Variants in BTN3A3 observed in about 807,000 individuals in gnomAD.
BTN3A3 encodes the protein butyrophilin subfamily 3 member A3.
In BTN3A3, 39 loss-of-function variants were observed where a neutral mutation model predicts 43.2. The observed-to-expected ratio is 0.90, with a 90% CI of 0.70 to 1.18. The LOEUF (loss-of-function observed/expected upper bound fraction) is 1.18. Ranked by LOEUF, BTN3A3 falls within the 50% of genes most tolerant of loss-of-function variation. BTN3A3 has a pLI of 0.00. For synonymous variants in BTN3A3, 255 were observed against 272.7 expected (o/e 0.93, Z 0.64); for missense variants, 631 against 722.8 (o/e 0.87, Z 1.46).
At position 26,445,828 on chromosome 6, in the gene BTN3A3, C is replaced by T. The variant is rs1291383929; in HGVS notation, c.558C>T (p.Asn186=). 5.6e-6 allele frequency: 9 copies of T among 1,614,110 alleles called. No individual in the cohort carries two copies. The African/African-American group carries it at 6.7e-5, about 12-fold the overall frequency. Residue 186 remains asparagine (N), a synonymous_variant, in exon 5 of 11, where the codon AAC becomes AAT. Coordinates refer to ENST00000244519, the MANE Select transcript of BTN3A3 (RefSeq NM_006994.5). Reference sequence around the variant, plus strand: ...AGTGGAGCGACACCAAGGGAGAGAACATCCCGGCTGTGGAAGCACCTGTGG... The same window carrying T: ...AGTGGAGCGACACCAAGGGAGAGAATATCCCGGCTGTGGAAGCACCTGTGG... The part of the protein sequence containing the change: ...QIKWSDTKGE[N]IPAVEAPVVA...
intron 1 of BTN3A3, among the ~76,000 whole-genome samples, chr6:26,441,005 A>T (rs758931086): frequency 5.9e-5 from 9 of 152,228 alleles, no homozygotes; most frequent in Non-Finnish European, 1.3e-4. Flanking sequence ...AAGTCGCTAA[A>T]ATCTGTTTTG....
intron 4 of BTN3A3, chr6:26,444,620 G>A: frequency 2.0e-6 from 1 of 507,342 alleles, no homozygotes; most frequent in Non-Finnish European, 3.5e-6. Context: ...TTTTGGTTTA[G>A]TCATGTAACA....
At position 26,451,844 on chromosome 6, in the gene BTN3A3, C is replaced by A; in HGVS notation, c.1188C>A (p.Tyr396Ter). 1 of 1,614,112 alleles carries A rather than the reference C, an allele frequency of 6.2e-7. No homozygotes were observed. The highest frequency in any genetic ancestry group is 8.5e-7 in the Non-Finnish European group (1 of 1,180,018). ...AAAACTTCACATCAGGGAGACATTA[C>A]TGGGAGGTGGAAGTGGGGGACAGAA... Reference protein sequence around the residue: ...GCENFTSGRHYWEVEVGDRKE... With the variant: ...GCENFTSGRH Residue 396 changes from tyrosine (Y) to a stop codon, truncating the protein, a stop_gained, in exon 11 of 11, where the codon TAC becomes TAA. Coordinates refer to ENST00000244519, the MANE Select transcript of BTN3A3 (RefSeq NM_006994.5). LOFTEE classifies it low-confidence loss of function (END_TRUNC).
chr6:26,449,895 C>A (rs1762882429), intron 9 of BTN3A3, among the ~76,000 whole-genome samples: 1 of 152,126 alleles, frequency 6.6e-6, no homozygotes, highest in Non-Finnish European at 1.5e-5. Flanking sequence ...AAAGCATAAC[C>A]ATGCAGCCTG....
chr6:26,443,559 T>C lies in BTN3A3; in HGVS notation c.-5-11T>C, dbSNP rs1226201001. The C allele has an allele frequency of 6.2e-7, 1 of 1,613,700 alleles. No homozygotes were observed. Among genetic ancestry groups the C allele is most frequent in the Non-Finnish European group, 8.5e-7 (1 of 1,179,742 alleles). ...TCTGTCCCACACCTTCTGGTATCTC[T>C]TGATATGCAGCATAGATGAAAATGG... On this transcript the variant is annotated splice_polypyrimidine_tract_variant and intron_variant, in intron 2 of 10. Coordinates refer to ENST00000244519, the MANE Select transcript of BTN3A3 (RefSeq NM_006994.5).
intron 9 of BTN3A3, 139 bp from the exon 10 acceptor site, chr6:26,449,968 C>A: frequency 9.5e-7 from 1 of 1,058,080 alleles, no homozygotes; most frequent in Middle Eastern, 3.1e-4. Flanking sequence ...TCTGATCTAT[C>A]AGAGCTGTAG....
chr6:26,450,020 A>G (rs1762886422), intron 9 of BTN3A3, 87 bp from the exon 10 acceptor site: 20 of 1,428,642 alleles, frequency 1.4e-5, no homozygotes, highest in Non-Finnish European at 2.0e-5. Flanking sequence ...GAAGAAAAGG[A>G]GAGAAAACGT....
intron 9 of BTN3A3, among the ~76,000 whole-genome samples, 153 bp from the exon 10 acceptor site, chr6:26,449,954 C>A (rs1762884923): frequency 6.6e-6 from 1 of 152,160 alleles, no homozygotes; most frequent in African/African-American, 2.4e-5. Flanking sequence ...TAGAAGGTGC[C>A]ACCTCTGATC....
At chr6:26,447,827 T>C (rs1762820944) in intron 5 of BTN3A3, among the ~76,000 whole-genome samples, 1 of 152,202 alleles carries the variant, frequency 6.6e-6, no homozygotes, top group South Asian at 2.1e-4. Context: ...CCTTGCCCTC[T>C]GACTCCACAG....
rs753608542 is a variant in BTN3A3, at chr6:26,448,609, T to C, written c.917-8T>C. On this transcript the variant is annotated splice_polypyrimidine_tract_variant and splice_region_variant and intron_variant, in intron 6 of 10. Transcript: ENST00000244519. ...TTTTTTTCTTTTCTTTTTTTGCTTA[T>C]TTTCCAGAGAAGCTCCAGGAGGAAC... 1 of 1,613,858 alleles carries C rather than the reference T, an allele frequency of 6.2e-7. No homozygotes were observed. The highest frequency in any genetic ancestry group is 1.3e-5 in the African/African-American group (1 of 74,840).
chr6:26,450,962 C>T (rs907332052), intron 10 of BTN3A3, among the ~76,000 whole-genome samples: 1 of 152,184 alleles, frequency 6.6e-6, no homozygotes, highest in African/African-American at 2.4e-5. Flanking sequence ...TCTATCAGGG[C>T]CTCCCATTGG....
intron 4 of BTN3A3, chr6:26,445,007 T>G: frequency 6.2e-6 from 1 of 160,966 alleles, no homozygotes. Flanking sequence ...ACTAAAGCTG[T>G]AAATGATGAA....
At chr6:26,449,539 T>C (rs556342340) in intron 8 of BTN3A3, 123 bp from the exon 9 acceptor site, 20 of 1,009,358 alleles carry the variant, frequency 2.0e-5, no homozygotes, top group Non-Finnish European at 2.9e-5. Flanking sequence ...GCTTGCAGAG[T>C]GAGACCACAG....
rs1225049968 is a variant in BTN3A3, at chr6:26,450,121, CT to C, written c.1007del (p.Leu336ProfsTer7). The C allele has an allele frequency of 1.9e-6, 3 of 1,613,572 alleles. No homozygotes were observed. The highest frequency in any genetic ancestry group is 1.3e-5 in the African/African-American group (1 of 74,906). On this transcript the variant is annotated frameshift_variant, in exon 10 of 11. Transcript: ENST00000244519. LOFTEE classifies it low-confidence loss of function (END_TRUNC). ...CTTCCTTTCAGAATGGAAAATGGCC[CT>C]CTTCAAACCTGGTGAGTAAATCACT... ...SLAYHEWKMA[L>X]FKPADVILDP... is the part of the protein sequence containing the mutation.
chr6:26,450,302 C>G (rs1158933716), intron 10 of BTN3A3, 169 bp downstream of exon 10: 7 of 748,802 alleles, frequency 9.3e-6, no homozygotes, highest in African/African-American at 1.8e-5. Flanking sequence ...CAAGACCCTT[C>G]CCGCTGAGAG....
intron 8 of BTN3A3, 134 bp from the exon 9 acceptor site, chr6:26,449,528 A>G: frequency 1.1e-6 from 1 of 887,128 alleles, no homozygotes; most frequent in Non-Finnish European, 1.8e-6. Context: ...GAGAGAATTG[A>G]GCTTGCAGAG....
rs564730444 is a variant in BTN3A3 at position 26,443,664 on chromosome 6, G to A, written c.85+5G>A. ...AGCTGCTCACTCCTTGCTCAGGTAGGGAATGATTCCATGATTCCACATTTA... is the reference window on the plus strand; with the variant it reads ...AGCTGCTCACTCCTTGCTCAGGTAGAGAATGATTCCATGATTCCACATTTA... On this transcript the variant is annotated splice_donor_5th_base_variant and intron_variant, in intron 3 of 10. Coordinates refer to ENST00000244519, the MANE Select transcript of BTN3A3 (RefSeq NM_006994.5). The A allele has an allele frequency of 6.2e-7, 1 of 1,613,924 alleles. No individual in the cohort carries two copies. Among genetic ancestry groups the A allele is most frequent in the South Asian group, 1.1e-5 (1 of 91,060 alleles).
chr6:26,451,844 C>T lies in BTN3A3; in HGVS notation c.1188C>T (p.Tyr396=), dbSNP rs150687753. Residue 396 remains tyrosine (Y), a synonymous_variant, in exon 11 of 11, where the codon TAC becomes TAT. Coordinates refer to ENST00000244519, the MANE Select transcript of BTN3A3 (RefSeq NM_006994.5). ...AAAACTTCACATCAGGGAGACATTA[C>T]TGGGAGGTGGAAGTGGGGGACAGAA... ...GCENFTSGRH[Y]WEVEVGDRKE... The T allele has an allele frequency of 5.6e-5, 90 of 1,614,112 alleles. 1 individual carries two copies. Among genetic ancestry groups the T allele is most frequent in the Middle Eastern group, 3.3e-4 (2 of 6,062 alleles).
Position 26,445,704 on chromosome 6 carries a change from C to A in BTN3A3, c.434C>A (p.Ala145Glu). The A allele has an allele frequency of 6.2e-7, 1 of 1,613,334 alleles. No homozygotes were observed. ...EKALVELKVA[A>E]LGSDLHIEVK... ...TTTAGGGCAATTTATCCTTCTACAGCATTGGGTTCTGATCTTCACATTGAA... is the reference window on the plus strand; with the variant it reads ...TTTAGGGCAATTTATCCTTCTACAGAATTGGGTTCTGATCTTCACATTGAA... Residue 145 changes from alanine (A) to glutamate (E), a missense_variant and splice_region_variant, in exon 5 of 11, where the codon GCA becomes GAA. Around this residue, in one of 2 missense-constraint regions of BTN3A3, gnomAD observed 551 missense variants for 584.0 expected, o/e 0.94. Coordinates refer to ENST00000244519, the MANE Select transcript of BTN3A3 (RefSeq NM_006994.5).
Sources: gnomAD v4.1 joint callset for allele counts (sites outside exome capture counted in the v4.1 genomes callset) on GRCh38, gnomAD v4.1.1 for gene constraint, gnomAD v4.1.1 regional missense constraint, MANE v1.5 for transcripts, NCBI Gene and HGNC (gene_info 2026-07-23, HGNC 2026-07-21) for gene names.